The following ZAN variants were observed in gnomAD, a reference collection of about 807,000 sequenced individuals.
ZAN encodes zonadhesin (gene/pseudogene).
ZAN carries 260 observed loss-of-function variants against 286.2 expected under a neutral mutation model. That is an observed-to-expected ratio of 0.91 (90% CI 0.82 to 1.01). The LOEUF (loss-of-function observed/expected upper bound fraction) is 1.01, where lower values mean the gene tolerates loss of function less well. ZAN is among the 50% of genes least tolerant of loss of function. ZAN has a pLI of 0.00. For synonymous variants in ZAN, 1,368 were observed against 1,417.5 expected (o/e 0.97, Z 0.79); for missense variants, 3,410 against 3,639.2 (o/e 0.94, Z 1.62).
chr7:100,754,284 C>T lies in ZAN; in HGVS notation c.3125-942C>T, dbSNP rs930302671. Among the ~76,000 whole-genome samples, 23 of 151,812 alleles carry T rather than the reference C, an allele frequency of 1.5e-4. 1 individual carries two copies. Among genetic ancestry groups the T allele is most frequent in the Non-Finnish European group, 1.2e-4 (8 of 67,968 alleles). On this transcript the variant is annotated intron_variant, in intron 14 of 47. Transcript: ENST00000613979. ...CCATCCTGGCTAACACAGTGAAACC[C>T]CGTCTCTACTGAAAATACAAAAAAA...
rs1422425970 is a variant in ZAN at position 100,795,215 on chromosome 7, C to T, written c.8145C>T (p.Asn2715=). The T allele has an allele frequency of 1.2e-6, 2 of 1,610,768 alleles. No homozygotes were observed. The highest frequency in any genetic ancestry group is 1.7e-6 in the Non-Finnish European group (2 of 1,178,574). ...GCFPESPCLQ[N]PCQNDGQCRE... ...TTGCAGAAAGCCCGTGTCTGCAGAA[C>T]CCCTGTCAGAATGACGGGCAGTGTC... The change falls in exon 45 of 48, where the codon AAC becomes AAT. Residue 2715 remains asparagine, a synonymous_variant. Coordinates refer to ENST00000613979, the MANE Select transcript of ZAN (RefSeq NM_003386.3).
chr7:100,738,861 TTCC>T lies in ZAN; in HGVS notation c.766+251_766+253del, dbSNP rs532880335. On this transcript the variant is annotated intron_variant, in intron 7 of 47. Coordinates refer to ENST00000613979, the MANE Select transcript of ZAN (RefSeq NM_003386.3). ...GTGGCTCTTCTTCTTCTTCTTTCTC[TTCC>T]TCTTCTTCTTCTCCCTCTCCCTCTC... Among the ~76,000 whole-genome samples, 33 of 87,146 alleles carry T rather than the reference TTCC, an allele frequency of 3.8e-4. 8 individuals carry two copies. The highest frequency in any genetic ancestry group is 4.7e-4 in the Admixed American group (4 of 8,516). 57.2% of individuals were successfully genotyped at this position (87,146 alleles called of 152,430 possible). A position where few individuals can be genotyped will look rare whatever the true frequency, so the allele number is the denominator to read the frequency against.
chr7:100,771,862 ACCAGGTGGTGCCTCC>A lies in ZAN; in HGVS notation c.5272_5286del (p.Val1758_Gln1762del). On this transcript the variant is annotated inframe_deletion, in exon 29 of 48. Transcript: ENST00000613979. Reference sequence around the variant, plus strand: ...CCTGCAGGACCCTTCTCTCAATGTCACCAGGTGGTGCCTCCCCAGTCCAGCTTTGCCAGTTGCGTG... The same window carrying A: ...CCTGCAGGACCCTTCTCTCAATGTCACCAGTCCAGCTTTGCCAGTTGCGTG... 5 of 1,612,222 alleles carry A rather than the reference ACCAGGTGGTGCCTCC, an allele frequency of 3.1e-6. No individual in the cohort carries two copies. Among genetic ancestry groups the A allele is most frequent in the East Asian group, 4.5e-5 (2 of 44,792 alleles).
chr7:100,760,802 G>T (rs1809518316), intron 19 of ZAN, among the ~76,000 whole-genome samples: 1 of 152,228 alleles, frequency 6.6e-6, no homozygotes, highest in African/African-American at 2.4e-5. Context: ...GAGCACTAGT[G>T]AGTTCTGGAG....
rs556666483 is a variant in ZAN at position 100,779,757 on chromosome 7, G to T, written c.6622+7G>T. On this transcript the variant is annotated splice_region_variant and intron_variant, in intron 35 of 47. Coordinates refer to ENST00000613979, the MANE Select transcript of ZAN (RefSeq NM_003386.3). ...AGAAACAGCAGCTTCTGCCGTGAGT[G>T]TGCCCTGCTGTCACCCCAAACCCCT... 4 of 1,544,714 alleles carry T rather than the reference G, an allele frequency of 2.6e-6. No homozygotes were observed. The African/African-American group carries it at 5.5e-5, about 21-fold the overall frequency.
rs780901664 is a variant in ZAN at position 100,791,960 on chromosome 7, C to T, written c.7530-6C>T. 19 of 1,609,568 alleles carry T rather than the reference C, an allele frequency of 1.2e-5. No homozygotes were observed. In the East Asian group the frequency reaches 4.0e-4, roughly 34 times the overall value. On this transcript the variant is annotated splice_region_variant and splice_polypyrimidine_tract_variant and intron_variant, in intron 40 of 47. Transcript: ENST00000613979. The stretch of plus-strand genomic sequence containing the variant: ...TCACCTGACCCCGTGGCTGTCTCTA[C>T]TGCAGGGCTATACCAGCGGAGGAGG...
chr7:100,761,383 TA>T (rs1336643883), intron 19 of ZAN, among the ~76,000 whole-genome samples: 15 of 152,070 alleles, frequency 9.9e-5, no homozygotes, highest in African/African-American at 3.6e-4. Context: ...CCTGCACCTA[TA>T]ATCTCAGCAT....
Position 100,779,517 on chromosome 7 carries a change from G to GGGCA in ZAN, c.6392_6393insAGGC (p.Ala2132GlyfsTer42), listed in dbSNP as rs768900400. 2 of 1,609,092 alleles carry GGGCA rather than the reference G, an allele frequency of 1.2e-6. No individual in the cohort carries two copies. Among genetic ancestry groups the GGGCA allele is most frequent in the East Asian group, 4.5e-5 (2 of 44,048 alleles). ...CAGGAGAACCCGAGTGGAAACTGCA[G>GGGCA]GGCGGCCGACCTCCGCAGGGCGCGG... On this transcript the variant is annotated frameshift_variant, in exon 35 of 48. Coordinates refer to ENST00000613979, the MANE Select transcript of ZAN (RefSeq NM_003386.3). LOFTEE classifies it high-confidence loss of function.
At chr7:100,753,562 C>T (rs994010926) in intron 14 of ZAN, among the ~76,000 whole-genome samples, 2 of 151,942 alleles carry the variant, frequency 1.3e-5, no homozygotes, top group African/African-American at 4.8e-5. Flanking sequence ...GTAGCTCAAA[C>T]CTGTAATCCC....
At chr7:100,795,175 C>A (rs1584641614) in intron 44 of ZAN, 21 bp from the exon 45 acceptor site, 3 of 1,602,466 alleles carry the variant, frequency 1.9e-6, no homozygotes, top group South Asian at 2.2e-5. Context: ...CCCCCTCCCA[C>A]AACCCTCTCT....
chr7:100,779,844 C>T (rs866876997), intron 35 of ZAN, 94 bp downstream of exon 35: 6 of 1,309,200 alleles, frequency 4.6e-6, no homozygotes, highest in Non-Finnish European at 6.1e-6. Flanking sequence ...CCTGTTCGTT[C>T]CTGACTAACT....
rs769289796 is a variant in ZAN at position 100,758,309 on chromosome 7, G to A, written c.3417G>A (p.Gln1139=). 6.2e-7 allele frequency: 1 copy of A among 1,613,326 alleles called. No individual in the cohort carries two copies. Among genetic ancestry groups the A allele is most frequent in the Non-Finnish European group, 8.5e-7 (1 of 1,179,858 alleles). ...AGTGTGGGACACACACCGTGTGCCA[G>A]CTTAAGAATGGCCAGTATGGATGCC... ...ISQCGTHTVC[Q]LKNGQYGCHP... is the part of the protein sequence containing the mutation. Residue 1139 remains glutamine, a synonymous_variant, in exon 16 of 48, where the codon CAG becomes CAA. Transcript: ENST00000613979.
At chr7:100,766,704 C>T (rs1455923753) in intron 24 of ZAN, 38 bp downstream of exon 24, 5 of 1,541,228 alleles carry the variant, frequency 3.2e-6, no homozygotes, top group Non-Finnish European at 4.4e-6. Flanking sequence ...GGGGGCTGCC[C>T]AGGCAACACC....
chr7:100,768,794 T>A, intron 27 of ZAN, 73 bp downstream of exon 27: 1 of 1,257,272 alleles, frequency 8.0e-7, no homozygotes, highest in Non-Finnish European at 1.1e-6. Context: ...AGCTTGGAAG[T>A]GTCCTCTGTG....
At chr7:100,758,472 G>A (rs1809312861) in intron 16 of ZAN, 59 bp from the exon 17 acceptor site, 8 of 1,552,692 alleles carry the variant, frequency 5.2e-6, no homozygotes, top group Non-Finnish European at 7.0e-6. Context: ...GCCAGCATGT[G>A]CGGTCCAGCC....
In ZAN at chr7:100,797,564, C is replaced by T; in HGVS notation, c.8367-13C>T. 1 of 1,613,856 alleles carries T rather than the reference C, an allele frequency of 6.2e-7. No individual in the cohort carries two copies. Among genetic ancestry groups the T allele is most frequent in the Non-Finnish European group, 8.5e-7 (1 of 1,179,876 alleles). ...CACTTGGGGACCCATGTCTATTCCCCCATGCCTTCTAGAGAGAAAACGCAG... is the reference window on the plus strand; with the variant it reads ...CACTTGGGGACCCATGTCTATTCCCTCATGCCTTCTAGAGAGAAAACGCAG... On this transcript the variant is annotated splice_polypyrimidine_tract_variant and intron_variant, in intron 46 of 47. Transcript: ENST00000613979.
At position 100,791,976 on chromosome 7, in the gene ZAN, G is replaced by T. The variant is rs775415589; in HGVS notation, c.7540G>T (p.Ala2514Ser). The T allele has an allele frequency of 9.3e-6, 15 of 1,612,456 alleles. No homozygotes were observed. The highest frequency in any genetic ancestry group is 1.7e-4 in the Middle Eastern group (1 of 5,884). ...CTGTCTCTACTGCAGGGCTATACCA[G>T]CGGAGGAGGAGGGACAAGGGGCGGA... is the stretch of plus-strand genomic sequence containing the variant. ...ALLRFPRAIP[A>S]EEEGQGAELG... The change falls in exon 41 of 48, where the codon GCG becomes TCG. Residue 2514 changes from alanine (A) to serine (S), a missense_variant. This residue lies in a region of ZAN where 1,289 missense variants were observed against 1,314.3 expected (regional missense o/e 0.98). Coordinates refer to ENST00000613979, the MANE Select transcript of ZAN (RefSeq NM_003386.3).
At chr7:100,773,104 A>T (rs1160724342) in intron 29 of ZAN, among the ~76,000 whole-genome samples, 181 bp from the exon 30 acceptor site, 1 of 151,538 alleles carries the variant, frequency 6.6e-6, no homozygotes, top group Admixed American at 6.6e-5. Flanking sequence ...GTTTTTCACC[A>T]TGTTGGCCAG....
Position 100,735,771 on chromosome 7 carries a change from C to A in ZAN, c.105C>A (p.Asn35Lys). ...TGGTTGTTCGCAGCTCTAGGGACAA[C>A]TGTGAGTTGGAAACCAGGAGTGCTA... ...QKLVVRSSRD[N>K]YVLTQCDFED... is the part of the protein sequence containing the mutation. The change falls in exon 3 of 48, where the codon AAC becomes AAA. Residue 35 changes from asparagine to lysine, a missense_variant and splice_region_variant. By Grantham distance (94) the Asn-to-Lys change is moderately conservative (BLOSUM62 0). Transcript: ENST00000613979. 2 of 1,499,306 alleles carry A rather than the reference C, an allele frequency of 1.3e-6. 1 individual carries two copies. Among genetic ancestry groups the A allele is most frequent in the Non-Finnish European group, 1.8e-6 (2 of 1,094,286 alleles). 92.9% of individuals were successfully genotyped at this position (1,499,306 alleles called of 1,614,324 possible). A position where few individuals can be genotyped will look rare whatever the true frequency, so the allele number is the denominator to read the frequency against.
Sources: gnomAD v4.1 joint callset for allele counts (sites outside exome capture counted in the v4.1 genomes callset) on GRCh38, gnomAD v4.1.1 for gene constraint, gnomAD v4.1.1 regional missense constraint, MANE v1.5 for transcripts, NCBI Gene and HGNC (gene_info 2026-07-23, HGNC 2026-07-21) for gene names.